Variants in DDX19A observed in about 807,000 individuals in gnomAD.
The protein encoded by DDX19A is ATP-dependent RNA helicase DDX19A.
DDX19A carries 12 observed loss-of-function variants against 60.6 expected under a neutral mutation model. The observed-to-expected ratio is 0.20, with a 90% CI of 0.13 to 0.32. DDX19A has a LOEUF of 0.32. DDX19A is among the 10% of genes least tolerant of loss of function. DDX19A has a pLI of 1.00. For missense variants in DDX19A, 337 were observed against 600.6 expected (o/e 0.56, Z 4.59); for synonymous variants, 206 against 218.2 (o/e 0.94, Z 0.49).
rs1386475435 is a variant in DDX19A at position 70,372,446 on chromosome 16, C to G, written c.*460C>G. ...GAGGCCAGAGCTGCCCCCTCTCTGT[C>G]TCTTCAATGGACCCTTCACAAGTGT... On this transcript the variant is annotated 3_prime_UTR_variant, in exon 12 of 12. Coordinates refer to ENST00000302243, the MANE Select transcript of DDX19A (RefSeq NM_018332.5). 1 of 213,862 alleles carries G rather than the reference C, an allele frequency of 4.7e-6. No individual in the cohort carries two copies. Among genetic ancestry groups the G allele is most frequent in the Non-Finnish European group, 9.4e-6 (1 of 105,924 alleles). 13.2% of individuals were successfully genotyped at this position (213,862 alleles called of 1,614,324 possible).
chr16:70,358,705 C>T (rs776265322), intron 4 of DDX19A, among the ~76,000 whole-genome samples: 2 of 151,954 alleles, frequency 1.3e-5, no homozygotes, highest in African/African-American at 2.4e-5. Flanking sequence ...AATTAGCCGG[C>T]TGTAATGGCA....
chr16:70,369,804 T>C (rs1051978972), intron 9 of DDX19A, among the ~76,000 whole-genome samples: 3 of 151,458 alleles, frequency 2.0e-5, no homozygotes, highest in African/African-American at 7.3e-5. Flanking sequence ...TAGAGACAGG[T>C]TTGGCCATGT....
At chr16:70,370,927 T>C (rs547373598) in intron 10 of DDX19A, 226 of 217,066 alleles carry the variant, frequency 1.0e-3, no homozygotes, top group Non-Finnish European at 1.9e-3. Context: ...ACCCGGGAGG[T>C]GGAGGTTACG....
chr16:70,352,291 T>G (rs972818293), intron 2 of DDX19A, among the ~76,000 whole-genome samples: 2 of 151,334 alleles, frequency 1.3e-5, no homozygotes, highest in Non-Finnish European at 3.0e-5. Context: ...GTCTTTTTTT[T>G]TTTTTTTTTT....
chr16:70,356,658 AT>A (rs1005859463), intron 4 of DDX19A, among the ~76,000 whole-genome samples: 2 of 151,604 alleles, frequency 1.3e-5, no homozygotes, highest in East Asian at 3.9e-4. Flanking sequence ...GTGCCTGGCT[AT>A]TTTTTTTCTT....
chr16:70,355,598 C>G (rs1048942698), intron 3 of DDX19A, 63 bp downstream of exon 3: 1 of 1,275,076 alleles, frequency 7.8e-7, no homozygotes, highest in Non-Finnish European at 1.1e-6. Flanking sequence ...TTCCTGGAGC[C>G]AGGGGCACTC....
chr16:70,357,369 T>TTTTG (rs1964241273), intron 4 of DDX19A, among the ~76,000 whole-genome samples: 1 of 28,910 alleles, frequency 3.5e-5, no homozygotes. Context: ...TTGGTTTGTT[T>TTTTG]TTTTTTTTTT....
chr16:70,371,629 T>A, intron 11 of DDX19A, 66 bp downstream of exon 11: 1 of 801,534 alleles, frequency 1.2e-6, no homozygotes, highest in Non-Finnish European at 2.0e-6. Flanking sequence ...GTGAAAGGGG[T>A]AGGATCTTCT....
At chr16:70,352,497 T>C (rs1964048327) in intron 2 of DDX19A, among the ~76,000 whole-genome samples, 1 of 151,810 alleles carries the variant, frequency 6.6e-6, no homozygotes, top group East Asian at 1.9e-4. Flanking sequence ...GTTGGCCAGG[T>C]TGGTCTTGAA....
rs554541655 is a variant in DDX19A, at chr16:70,372,131, A to G, written c.*145A>G. The G allele has an allele frequency of 7.3e-7, 1 of 1,371,528 alleles. No individual in the cohort carries two copies. The highest frequency in any genetic ancestry group is 2.3e-5 in the East Asian group (1 of 43,304). The allele number at this position is 1,371,528 out of a possible 1,614,324, so 85.0% of individuals were successfully genotyped here. On this transcript the variant is annotated 3_prime_UTR_variant, in exon 12 of 12. Transcript: ENST00000302243. Reference sequence around the variant, plus strand: ...CTACCTCACTTCAAATTATGTTTGGACTTGACAAAAATAGGTGCAAATGAT... The same window carrying G: ...CTACCTCACTTCAAATTATGTTTGGGCTTGACAAAAATAGGTGCAAATGAT...
rs111261003 is a variant in DDX19A, at chr16:70,361,996, C to T, written c.386+486C>T. On this transcript the variant is annotated intron_variant, in intron 5 of 11. Coordinates refer to ENST00000302243, the MANE Select transcript of DDX19A (RefSeq NM_018332.5). ...GACCAGCCTGGGCAACATGGTGAAA[C>T]CCCGTCTTACTAAAATCAAAAAAAA... is the stretch of plus-strand genomic sequence containing the variant. 3.3e-3 allele frequency among the ~76,000 whole-genome samples: 499 copies of T among 151,808 alleles called. 2 individuals carry two copies. Among genetic ancestry groups the T allele is most frequent in the African/African-American group, 0.011 (445 of 41,426 alleles).
intron 2 of DDX19A, 123 bp downstream of exon 2, chr16:70,350,728 A>G (rs1314305327): frequency 1.4e-6 from 1 of 695,108 alleles, no homozygotes; most frequent in Non-Finnish European, 2.4e-6. Context: ...AAGCCAGTGA[A>G]TTAGATTTTG....
chr16:70,367,095 A>G (rs1465844517), intron 9 of DDX19A, among the ~76,000 whole-genome samples: 3 of 152,142 alleles, frequency 2.0e-5, no homozygotes, highest in African/African-American at 4.8e-5. Context: ...TTGTTGCACA[A>G]CCCAAGAGAA....
At chr16:70,359,715 G>A (rs1223878207) in intron 4 of DDX19A, among the ~76,000 whole-genome samples, 2 of 152,006 alleles carry the variant, frequency 1.3e-5, no homozygotes, top group South Asian at 2.1e-4. Context: ...AAAATTAGCC[G>A]GGTGTGGTGG....
chr16:70,355,623 C>T (rs956169427), intron 3 of DDX19A, 88 bp downstream of exon 3: 1 of 1,049,212 alleles, frequency 9.5e-7, no homozygotes, highest in East Asian at 2.4e-5. Context: ...CTACAAGATC[C>T]AGGAGATGAG....
At chr16:70,365,180 G>T in intron 7 of DDX19A, 49 bp downstream of exon 7, 1 of 1,358,790 alleles carries the variant, frequency 7.4e-7, no homozygotes, top group Non-Finnish European at 1.0e-6. Context: ...AGGGGGTTGG[G>T]CGTTTGAATT....
At chr16:70,358,046 C>T (rs1964265088) in intron 4 of DDX19A, among the ~76,000 whole-genome samples, 1 of 151,802 alleles carries the variant, frequency 6.6e-6, no homozygotes, top group Admixed American at 6.6e-5. Context: ...TATTTATTTA[C>T]TTTTGAGACT....
At chr16:70,365,834 GGAA>G in intron 7 of DDX19A, 1 of 574,804 alleles carries the variant, frequency 1.7e-6, no homozygotes, top group Non-Finnish European at 3.1e-6. Context: ...GATTATAGGA[GGAA>G]GAAGAAGGGA....
intron 2 of DDX19A, among the ~76,000 whole-genome samples, chr16:70,355,020 A>G (rs908800766): frequency 6.6e-6 from 1 of 152,150 alleles, no homozygotes; most frequent in Non-Finnish European, 1.5e-5. Flanking sequence ...AAAAATTTCT[A>G]GAAATAAAAA....
Sources: allele counts gnomAD v4.1 joint callset (sites outside exome capture counted in the v4.1 genomes callset), GRCh38; gene constraint gnomAD v4.1.1; transcripts MANE v1.5; gene names NCBI Gene and HGNC (gene_info 2026-07-23, HGNC 2026-07-21).